ZPBP: variants seen among roughly 807,000 people sequenced by gnomAD.
ZPBP encodes zona pellucida-binding protein 1.
In ZPBP, 26 loss-of-function variants were observed where a neutral mutation model predicts 44.8. That is an observed-to-expected ratio of 0.58 (90% CI 0.43 to 0.81). ZPBP has a LOEUF of 0.81. Ranked by LOEUF, ZPBP falls within the 30% of genes least tolerant of loss-of-function variation. ZPBP has a pLI of 0.00. For synonymous variants in ZPBP, 174 were observed against 153.2 expected, an observed-to-expected ratio of 1.14 and a Z score of -1.00; for missense variants, 409 against 434.0, an observed-to-expected ratio of 0.94 and a Z score of 0.51.
chr7:49,888,549 T>C (rs1217740499), intron 2 of ZPBP, among the ~76,000 whole-genome samples: 1 of 152,178 alleles, frequency 6.6e-6, no homozygotes, highest in Non-Finnish European at 1.5e-5. Flanking sequence ...TCTGAGATCA[T>C]AGCAGGCCTC....
intron 2 of ZPBP, among the ~76,000 whole-genome samples, chr7:49,883,201 G>C (rs1791747728): frequency 6.6e-6 from 1 of 152,070 alleles, no homozygotes; most frequent in Non-Finnish European, 1.5e-5. Context: ...AGGCAATGAA[G>C]TCGACTGACC....
chr7:49,930,586 G>A (rs887937807), intron 1 of ZPBP, among the ~76,000 whole-genome samples: 7 of 151,958 alleles, frequency 4.6e-5, no homozygotes, highest in South Asian at 4.2e-4. Flanking sequence ...ACTTAAAAAC[G>A]ATACTGGAGA....
intron 1 of ZPBP, among the ~76,000 whole-genome samples, chr7:50,091,691 T>C (rs1163612434): frequency 6.6e-6 from 1 of 152,224 alleles, no homozygotes; most frequent in Non-Finnish European, 1.5e-5. Flanking sequence ...CACTATACCT[T>C]GCACATTGTA....
At chr7:49,971,425 G>A (rs1713744142) in intron 7 of ZPBP, among the ~76,000 whole-genome samples, 1 of 151,984 alleles carries the variant, frequency 6.6e-6, no homozygotes, top group Non-Finnish European at 1.5e-5. Context: ...TAAAAGTGAG[G>A]ATATTACTAT....
At chr7:49,886,589 T>A (rs1053658246) in intron 2 of ZPBP, among the ~76,000 whole-genome samples, 3 of 152,224 alleles carry the variant, frequency 2.0e-5, no homozygotes, top group Admixed American at 6.5e-5. Flanking sequence ...CACATTATTA[T>A]GTAGTGTAGT....
intron 6 of ZPBP, among the ~76,000 whole-genome samples, chr7:50,010,657 A>T (rs894167310): frequency 1.3e-5 from 2 of 152,102 alleles, no homozygotes; most frequent in African/African-American, 2.4e-5. Flanking sequence ...GAAGTAAAAG[A>T]TCTCTACAGG....
intron 7 of ZPBP, among the ~76,000 whole-genome samples, chr7:49,977,695 A>T (rs1796593510): frequency 6.6e-6 from 1 of 152,202 alleles, no homozygotes; most frequent in Non-Finnish European, 1.5e-5. Flanking sequence ...TAGGAAAAAA[A>T]GTTGTCTAAT....
intron 1 of ZPBP, among the ~76,000 whole-genome samples, chr7:49,909,476 G>A (rs1793287397): frequency 6.6e-6 from 1 of 152,186 alleles, no homozygotes; most frequent in Admixed American, 6.5e-5. Flanking sequence ...GCAGCAAACT[G>A]TGGAGGCCAG....
chr7:49,980,651 AT>A (rs1418137256), intron 7 of ZPBP, among the ~76,000 whole-genome samples: 4 of 151,938 alleles, frequency 2.6e-5, no homozygotes, highest in African/African-American at 7.3e-5. Context: ...CCTCTTTTGT[AT>A]AGCCAGCTCT....
intron 4 of ZPBP, among the ~76,000 whole-genome samples, chr7:50,049,316 T>G (rs914001654): frequency 6.6e-6 from 1 of 152,042 alleles, no homozygotes; most frequent in Non-Finnish European, 1.5e-5. Context: ...GCGCATTCTA[T>G]GAAGCCAGTA....
chr7:49,921,017 T>C (rs2128747082), intron 1 of ZPBP: 1 of 152,358 alleles, frequency 6.6e-6, no homozygotes, highest in South Asian at 2.1e-4. Context: ...TAAGTGTTCA[T>C]GTCCTGTACA....
At chr7:49,847,903 G>T (rs1236702417), downstream of ZPBP, among the ~76,000 whole-genome samples, 1 of 152,168 alleles carries the variant, frequency 6.6e-6, no homozygotes, top group African/African-American at 2.4e-5. Flanking sequence ...GCACTCACAG[G>T]TGAGTGGTTT....
chr7:49,886,957 C>T (rs1286254852), intron 2 of ZPBP, among the ~76,000 whole-genome samples: 1 of 151,512 alleles, frequency 6.6e-6, no homozygotes, highest in Non-Finnish European at 1.5e-5. Flanking sequence ...TTTCTTTTGA[C>T]TTGTCTTGTT....
chr7:49,941,281 G>T (rs746066370), intron 7 of ZPBP, among the ~76,000 whole-genome samples: 4 of 152,140 alleles, frequency 2.6e-5, no homozygotes, highest in Non-Finnish European at 4.4e-5. Flanking sequence ...AGTTAATCCT[G>T]CTTTTGGGTA....
intron 6 of ZPBP, among the ~76,000 whole-genome samples, chr7:49,994,693 A>G (rs1468613005): frequency 6.6e-6 from 1 of 152,182 alleles, no homozygotes; most frequent in African/African-American, 2.4e-5. Context: ...AAGGCCTGTG[A>G]TATGATTCAC....
At chr7:49,841,986 C>A in the ZPBP span, among the ~76,000 whole-genome samples, 1 of 152,120 alleles carries the variant, frequency 6.6e-6, no homozygotes, top group East Asian at 1.9e-4. Flanking sequence ...CCTGTCTCAG[C>A]CTCCTGAGTA....
rs556311032 is a variant in ZPBP, at chr7:49,989,071, G to A, written c.784-5552C>T. Among the ~76,000 whole-genome samples the A allele has an allele frequency of 1.8e-4, 27 of 152,254 alleles. 1 individual carries two copies. The highest frequency in any genetic ancestry group is 3.9e-4 in the African/African-American group (16 of 41,550). ...GTTCTGAGTATTCTTAATTTATGCC[G>A]TTATAGTTGTTTGCATCAGTACAAT... On this transcript the variant is annotated intron_variant, in intron 6 of 7. Coordinates refer to ENST00000046087, the MANE Select transcript of ZPBP (RefSeq NM_007009.3).
intron 2 of ZPBP, among the ~76,000 whole-genome samples, chr7:49,877,187 C>T (rs536866533): frequency 2.2e-4 from 33 of 151,804 alleles, no homozygotes; most frequent in African/African-American, 7.2e-4. Context: ...TGGGGCCGGG[C>T]GTAATGGCTC....
Position 50,041,587 on chromosome 7 carries a change from C to T in ZPBP, c.488-10277G>A, listed in dbSNP as rs538812845. Among the ~76,000 whole-genome samples the T allele has an allele frequency of 2.6e-5, 4 of 152,324 alleles. No individual in the cohort carries two copies. In the East Asian group the frequency reaches 5.8e-4, roughly 22 times the overall value. ...AAGGGCCTGTTAGAAGGAAAACTAA[C>T]AAACAGAAAGGAGTAGCATCGACAT... is the stretch of plus-strand genomic sequence containing the variant. On this transcript the variant is annotated intron_variant, in intron 4 of 7. Coordinates refer to ENST00000046087, the MANE Select transcript of ZPBP (RefSeq NM_007009.3).
Sources: gnomAD v4.1 joint callset for allele counts (sites outside exome capture counted in the v4.1 genomes callset) on GRCh38, gnomAD v4.1.1 for gene constraint, MANE v1.5 for transcripts, NCBI Gene and HGNC (gene_info 2026-07-23, HGNC 2026-07-21) for gene names.